The following TMEM116 variants were observed in gnomAD, a reference collection of about 807,000 sequenced individuals.
TMEM116 encodes transmembrane protein 116.
A neutral mutation model predicts 44.3 loss-of-function variants in TMEM116; 38 were observed. The observed-to-expected ratio is 0.86, with a 90% confidence interval of 0.66 to 1.12. TMEM116 has a LOEUF of 1.12. Ranked by LOEUF, TMEM116 falls within the 50% of genes most tolerant of loss-of-function variation. The pLI, the probability that TMEM116 is intolerant of heterozygous loss-of-function variation, is 0.00. For missense variants in TMEM116, 354 were observed against 401.7 expected, an observed-to-expected ratio of 0.88 and a Z score of 1.01; for synonymous variants, 132 against 144.8, an observed-to-expected ratio of 0.91 and a Z score of 0.64.
intron 8 of TMEM116, chr12:111,934,280 T>A (rs752795752): frequency 1.0e-5 from 4 of 401,040 alleles, no homozygotes; most frequent in Non-Finnish European, 1.4e-5. Flanking sequence ...CACATGAACC[T>A]TACATCAACC....
chr12:111,949,597 T>A (rs2136307227), intron 4 of TMEM116, among the ~76,000 whole-genome samples: 1 of 152,330 alleles, frequency 6.6e-6, no homozygotes, highest in Middle Eastern at 3.4e-3. Flanking sequence ...TCTTACTCTA[T>A]TATCTTTGGT....
At chr12:112,000,878 G>T (rs1348440203) in intron 3 of TMEM116, 2 of 439,848 alleles carry the variant, frequency 4.5e-6, no homozygotes, top group Non-Finnish European at 9.2e-6. Context: ...CAATTCTCTG[G>T]TCTATTCTCC....
At chr12:111,983,861 C>T (rs892035376) in intron 4 of TMEM116, among the ~76,000 whole-genome samples, 7 of 152,080 alleles carry the variant, frequency 4.6e-5, no homozygotes, top group African/African-American at 1.7e-4. Flanking sequence ...CAAAGCCAGA[C>T]AATGACACTA....
At chr12:112,001,283 G>GC (rs1387324174) in intron 3 of TMEM116, among the ~76,000 whole-genome samples, 1 of 152,034 alleles carries the variant, frequency 6.6e-6, no homozygotes, top group African/African-American at 2.4e-5. Context: ...GAACAATTTT[G>GC]CCCCAATCCC....
At chr12:112,011,423 C>T (rs2077829947) in intron 1 of TMEM116, 1 of 152,252 alleles carries the variant, frequency 6.6e-6, no homozygotes, top group Non-Finnish European at 1.5e-5. Flanking sequence ...CCTGTTATCA[C>T]TGTTGACTAT....
At chr12:112,006,263 T>C (rs1285529845) in intron 1 of TMEM116, 1 of 151,416 alleles carries the variant, frequency 6.6e-6, no homozygotes, top group Non-Finnish European at 1.5e-5. Flanking sequence ...GCAGGAGTAA[T>C]AAAAAGCAGA....
intron 4 of TMEM116, among the ~76,000 whole-genome samples, chr12:111,952,176 C>A (rs1464872570): frequency 6.6e-6 from 1 of 152,100 alleles, no homozygotes; most frequent in Non-Finnish European, 1.5e-5. Flanking sequence ...TTGCAGTGAG[C>A]CAAGATTGAG....
chr12:111,954,300 T>C (rs1344959649), intron 4 of TMEM116, among the ~76,000 whole-genome samples: 2 of 152,162 alleles, frequency 1.3e-5, no homozygotes, highest in African/African-American at 2.4e-5. Context: ...GAATATGTTT[T>C]CTATTGCCAG....
Position 111,931,785 on chromosome 12 carries a change from A to G in TMEM116, c.850T>C (p.Tyr284His), listed in dbSNP as rs760390393. Residue 284 changes from tyrosine (Y) to histidine (H), a missense_variant, in exon 11 of 11, where the codon TAT becomes CAT. Transcript: ENST00000552374. The part of the protein sequence containing the change: ...TSQGLLNCGV[Y>H]GWTQHKFHQL... ...TGGAATTTGTGCTGCGTCCAGCCATATACTCCACAGTTGAGTAGACCCTGA... is the reference window on the plus strand; with the variant it reads ...TGGAATTTGTGCTGCGTCCAGCCATGTACTCCACAGTTGAGTAGACCCTGA... The G allele has an allele frequency of 1.9e-6, 3 of 1,587,076 alleles. No individual in the cohort carries two copies. In the African/African-American group the frequency reaches 4.0e-5, roughly 21 times the overall value.
intron 4 of TMEM116, among the ~76,000 whole-genome samples, chr12:111,977,732 T>C (rs949434905): frequency 2.0e-5 from 3 of 151,916 alleles, no homozygotes; most frequent in African/African-American, 7.2e-5. Context: ...TAAGGGTAAG[T>C]AAAATAAACA....
intron 3 of TMEM116, among the ~76,000 whole-genome samples, chr12:111,996,016 G>A (rs567353979): frequency 6.9e-6 from 1 of 144,358 alleles, no homozygotes; most frequent in South Asian, 2.2e-4. Flanking sequence ...CTTCAGCCAG[G>A]GAAACAGAAC....
At chr12:111,945,343 C>CAAAAAA (rs917839133) in intron 4 of TMEM116, among the ~76,000 whole-genome samples, 32 of 33,764 alleles carry the variant, frequency 9.5e-4, no homozygotes, top group Non-Finnish European at 1.6e-3. Context: ...GACTCCATCT[C>CAAAAAA]AAAAAAAAAA....
chr12:111,938,237 G>A (rs1281475709), intron 5 of TMEM116, 27 bp from the exon 6 acceptor site: 1 of 1,491,478 alleles, frequency 6.7e-7, no homozygotes, highest in South Asian at 1.3e-5. Context: ...TGTGAGAAAT[G>A]TCTTAAGACA....
intron 4 of TMEM116, among the ~76,000 whole-genome samples, chr12:111,944,299 C>G (rs965151917): frequency 1.3e-5 from 2 of 151,728 alleles, no homozygotes; most frequent in Non-Finnish European, 2.9e-5. Context: ...CAGAAGAGAA[C>G]AGCAATCCCT....
intron 4 of TMEM116, among the ~76,000 whole-genome samples, chr12:111,971,965 C>A (rs915886646): frequency 6.7e-6 from 1 of 150,136 alleles, no homozygotes. Flanking sequence ...GTCCTACCAA[C>A]TTAAGGAAGC....
intron 4 of TMEM116, among the ~76,000 whole-genome samples, chr12:111,945,506 A>C (rs1442046269): frequency 6.6e-6 from 1 of 152,144 alleles, no homozygotes; most frequent in Non-Finnish European, 1.5e-5. Flanking sequence ...TTTCAGGTTT[A>C]AAATTTTGTA....
chr12:111,985,707 C>A (rs567795022), intron 4 of TMEM116, among the ~76,000 whole-genome samples: 1 of 152,260 alleles, frequency 6.6e-6, no homozygotes, highest in Admixed American at 6.5e-5. Context: ...CCCATCCCAG[C>A]CTCCAGAGCC....
At chr12:111,983,487 C>T (rs921782354) in intron 4 of TMEM116, among the ~76,000 whole-genome samples, 2 of 151,308 alleles carry the variant, frequency 1.3e-5, no homozygotes, top group Admixed American at 6.6e-5. Context: ...GCATGCACTA[C>T]GCGGGGGTCT....
At chr12:111,985,295 C>T (rs987721027) in intron 4 of TMEM116, among the ~76,000 whole-genome samples, 2 of 151,898 alleles carry the variant, frequency 1.3e-5, no homozygotes, top group African/African-American at 4.8e-5. Flanking sequence ...CACACACACA[C>T]ACACACGCAA....
Sources: gnomAD v4.1 joint callset for allele counts (sites outside exome capture counted in the v4.1 genomes callset) on GRCh38, gnomAD v4.1.1 for gene constraint, MANE v1.5 for transcripts, NCBI Gene and HGNC (gene_info 2026-07-23, HGNC 2026-07-21) for gene names.